Variants in RBMS3 observed in about 807,000 individuals in gnomAD.
The protein encoded by RBMS3 is RNA-binding motif, single-stranded-interacting protein 3.
A neutral mutation model predicts 66.8 loss-of-function variants in RBMS3; 27 were observed. The ratio of observed to expected loss-of-function variants is 0.40; its 90% confidence interval spans 0.30 to 0.56. The LOEUF is 0.56. RBMS3 is among the 20% of genes least tolerant of loss of function. The pLI is 0.40. For missense variants in RBMS3, 513 were observed against 549.5 expected (o/e 0.93, Z 0.66); for synonymous variants, 188 against 183.0 (o/e 1.03, Z -0.22).
intron 8 of RBMS3, among the ~76,000 whole-genome samples, chr3:29,896,028 T>C (rs763329588): frequency 1.3e-5 from 2 of 151,538 alleles, no homozygotes; most frequent in Non-Finnish European, 3.0e-5. Flanking sequence ...AAGAATGTAA[T>C]GTATGATGGG....
At chr3:29,383,644 CT>C (rs1454344924) in intron 1 of RBMS3, among the ~76,000 whole-genome samples, 1 of 152,152 alleles carries the variant, frequency 6.6e-6, no homozygotes, top group East Asian at 1.9e-4. Context: ...AACTTATGAA[CT>C]CTTTTAGGTC....
chr3:29,584,696 C>A (rs2047449672), intron 3 of RBMS3, among the ~76,000 whole-genome samples: 1 of 152,118 alleles, frequency 6.6e-6, no homozygotes, highest in African/African-American at 2.4e-5. Flanking sequence ...TTGTCTATGT[C>A]TTTATGTCTT....
At chr3:29,310,382 A>G (rs574391525) in intron 1 of RBMS3, among the ~76,000 whole-genome samples, 25 of 151,848 alleles carry the variant, frequency 1.6e-4, no homozygotes, top group African/African-American at 5.5e-4. Flanking sequence ...TTATAGTTCA[A>G]TAATTAAGGA....
At chr3:29,979,158 AAACAAC>A (rs751421266) in intron 12 of RBMS3, among the ~76,000 whole-genome samples, 8 of 151,238 alleles carry the variant, frequency 5.3e-5, no homozygotes, top group African/African-American at 9.8e-5. Flanking sequence ...AGAAGGAAAG[AAACAAC>A]AACAACAACA....
At position 29,786,222 on chromosome 3, in the gene RBMS3, G is replaced by A. The variant is rs116566394; in HGVS notation, c.637+23233G>A. Among the ~76,000 whole-genome samples the A allele has an allele frequency of 7.1e-3, 1,085 of 151,982 alleles. 19 individuals are homozygous for A. The highest frequency in any genetic ancestry group is 0.025 in the African/African-American group (1,026 of 41,486). On this transcript the variant is annotated intron_variant, in intron 6 of 14. Transcript: ENST00000383767. ...ACAAATGGAAATACATCCCATGCTC[G>A]TGGATGGGTAGAATCAGTGTTGTGA...
intron 2 of RBMS3, among the ~76,000 whole-genome samples, chr3:29,438,031 TCTCTCTCTCTC>T: frequency 7.6e-6 from 1 of 130,930 alleles, no homozygotes. Flanking sequence ...TGCTTGTTTC[TCTCTCTCTCTC>T]TCTCTCTCTC....
intron 4 of RBMS3, among the ~76,000 whole-genome samples, chr3:29,619,781 T>C (rs960423729): frequency 3.3e-5 from 5 of 152,206 alleles, no homozygotes; most frequent in Admixed American, 3.3e-4. Flanking sequence ...TTTTAACTTT[T>C]ATACCTCCTG....
intron 1 of RBMS3, among the ~76,000 whole-genome samples, chr3:29,317,496 A>G (rs1270844639): frequency 1.3e-5 from 2 of 151,770 alleles, no homozygotes; most frequent in African/African-American, 4.8e-5. Context: ...ATTCACAGCC[A>G]TTCAGAAGCC....
intron 3 of RBMS3, among the ~76,000 whole-genome samples, chr3:29,580,709 A>G (rs979384148): frequency 1.3e-5 from 2 of 150,584 alleles, no homozygotes; most frequent in Non-Finnish European, 3.0e-5. Flanking sequence ...TAATAATAAT[A>G]AAAGGAAGAT....
In RBMS3 at chr3:29,854,493, T is replaced by A. The variant is rs368881545; in HGVS notation, c.638-14365T>A. On this transcript the variant is annotated intron_variant, in intron 6 of 14. Coordinates refer to ENST00000383767, the MANE Select transcript of RBMS3 (RefSeq NM_001003793.3). ...TTTGAGACACCTTCAGGAGACCTTC[T>A]CTCTACTCCGCTAAAGGTCTCAGGA... Among the ~76,000 whole-genome samples the A allele has an allele frequency of 2.5e-4, 38 of 152,306 alleles. No homozygotes were observed. In the East Asian group the frequency reaches 3.5e-3, roughly 14 times the overall value.
chr3:29,575,927 A>T (rs2047104432), intron 3 of RBMS3, among the ~76,000 whole-genome samples: 3 of 152,152 alleles, frequency 2.0e-5, no homozygotes, highest in African/African-American at 7.2e-5. Flanking sequence ...TTAATTTTTT[A>T]AAATTTCCTC....
At chr3:29,602,275 T>A (rs1284128249) in intron 4 of RBMS3, among the ~76,000 whole-genome samples, 2 of 152,024 alleles carry the variant, frequency 1.3e-5, no homozygotes, top group African/African-American at 4.8e-5. Context: ...ATATCTTAGA[T>A]GGAGGAAATG....
intron 4 of RBMS3, among the ~76,000 whole-genome samples, chr3:29,670,709 G>A (rs981032630): frequency 3.3e-5 from 5 of 152,300 alleles, no homozygotes; most frequent in East Asian, 3.9e-4. Flanking sequence ...GTGGAGGGGC[G>A]TCCTCCACTG....
At chr3:29,801,550 G>C (rs1192453090) in intron 6 of RBMS3, among the ~76,000 whole-genome samples, 1 of 113,632 alleles carries the variant, frequency 8.8e-6, no homozygotes, top group Non-Finnish European at 2.0e-5. Flanking sequence ...TTACAGGCAT[G>C]AGCACCTGAC....
At chr3:29,831,252 TA>T (rs1386829866) in intron 6 of RBMS3, among the ~76,000 whole-genome samples, 1 of 152,192 alleles carries the variant, frequency 6.6e-6, no homozygotes, top group Non-Finnish European at 1.5e-5. Flanking sequence ...TGTTTGCTCA[TA>T]ATATGCCAAT....
At chr3:29,598,475 A>G (rs980573660) in intron 4 of RBMS3, among the ~76,000 whole-genome samples, 2 of 152,074 alleles carry the variant, frequency 1.3e-5, no homozygotes, top group African/African-American at 4.8e-5. Flanking sequence ...AGCAAAATTG[A>G]GATTCTTAAT....
intron 4 of RBMS3, among the ~76,000 whole-genome samples, chr3:29,587,767 A>C (rs932509098): frequency 2.6e-5 from 4 of 151,896 alleles, no homozygotes; most frequent in Non-Finnish European, 5.9e-5. Flanking sequence ...CTAGAATTTC[A>C]CTTTGGCCTT....
intron 4 of RBMS3, among the ~76,000 whole-genome samples, chr3:29,707,480 A>AT (rs1200489298): frequency 6.6e-6 from 1 of 152,174 alleles, no homozygotes; most frequent in African/African-American, 2.4e-5. Flanking sequence ...TGTTAACATG[A>AT]TTTTTCTTAA....
intron 1 of RBMS3, among the ~76,000 whole-genome samples, chr3:29,345,915 T>C (rs757141028): frequency 1.3e-5 from 2 of 152,234 alleles, no homozygotes; most frequent in African/African-American, 2.4e-5. Context: ...TTTTTTTATA[T>C]AGAGAAGGGA....
Sources: gnomAD v4.1 joint callset for allele counts (sites outside exome capture counted in the v4.1 genomes callset) on GRCh38, gnomAD v4.1.1 for gene constraint, MANE v1.5 for transcripts, NCBI Gene and HGNC (gene_info 2026-07-23, HGNC 2026-07-21) for gene names.